CNPY3: variants seen among roughly 807,000 people sequenced by gnomAD.
CNPY3 encodes canopy FGF signaling regulator 3.
Under a neutral mutation model 32.0 loss-of-function variants are expected in CNPY3, and 20 were observed. That is an observed-to-expected ratio of 0.63 (90% CI 0.44 to 0.91). The LOEUF (loss-of-function observed/expected upper bound fraction) is 0.91. Among genes scored for constraint, CNPY3 ranks in the 40% least tolerant of loss-of-function variants. The pLI is 0.00. For missense variants in CNPY3, 299 were observed against 340.8 expected (o/e 0.88, Z 0.97); for synonymous variants, 138 against 142.9 (o/e 0.97, Z 0.24).
intron 3 of CNPY3, among the ~76,000 whole-genome samples, chr6:42,937,017 T>C (rs777261298): frequency 6.6e-6 from 1 of 152,140 alleles, no homozygotes; most frequent in Non-Finnish European, 1.5e-5. Flanking sequence ...CTAGCAGAGA[T>C]AGTTTTTACA....
chr6:42,937,958 C>T, intron 4 of CNPY3, 119 bp downstream of exon 4: 4 of 1,483,762 alleles, frequency 2.7e-6, no homozygotes, highest in Non-Finnish European at 3.7e-6. Flanking sequence ...CATTTCACCT[C>T]TCTGGCCTCA....
intron 2 of CNPY3, chr6:42,935,293 A>G (rs1768138318): frequency 2.8e-6 from 1 of 361,954 alleles, no homozygotes; most frequent in South Asian, 1.1e-4. Flanking sequence ...ATGATATTTT[A>G]CTATCAAAAT....
chr6:42,929,531 G>A lies in CNPY3; in HGVS notation c.-40G>A. 3 of 1,519,022 alleles carry A rather than the reference G, an allele frequency of 2.0e-6. No homozygotes were observed. The highest frequency in any genetic ancestry group is 1.8e-6 in the Non-Finnish European group (2 of 1,130,770). The allele number at this position is 1,519,022 out of a possible 1,614,324, so 94.1% of individuals were successfully genotyped here. A position where few individuals can be genotyped will look rare whatever the true frequency, so the allele number is the denominator to read the frequency against. On this transcript the variant is annotated 5_prime_UTR_variant, in exon 1 of 6. Transcript: ENST00000372836. ...CTGCTCCGCGCGCGCCGCGGGAGGA[G>A]GAACCGCCCGGTCCTTTAGGGTCCG...
chr6:42,937,269 G>A (rs372493125), intron 3 of CNPY3, among the ~76,000 whole-genome samples: 4 of 152,274 alleles, frequency 2.6e-5, no homozygotes, highest in African/African-American at 9.6e-5. Context: ...ATGTGCAGGG[G>A]TTGTGGGAAG....
Position 42,929,511 on chromosome 6 carries a change from C to CCG in CNPY3, c.-52_-51dup, listed in dbSNP as rs1767592325. 1 of 1,488,766 alleles carries CCG rather than the reference C, an allele frequency of 6.7e-7. No individual in the cohort carries two copies. Among genetic ancestry groups the CCG allele is most frequent in the South Asian group, 1.3e-5 (1 of 77,808 alleles). 92.2% of individuals were successfully genotyped at this position (1,488,766 alleles called of 1,614,324 possible). On this transcript the variant is annotated 5_prime_UTR_variant, in exon 1 of 6. Coordinates refer to ENST00000372836, the MANE Select transcript of CNPY3 (RefSeq NM_006586.5). The stretch of plus-strand genomic sequence containing the variant: ...CCGGAAGCGGCGAGGGGAAACTGCT[C>CCG]CGCGCGCGCCGCGGGAGGAGGAACC...
Position 42,938,143 on chromosome 6 carries a change from C to A in CNPY3, c.549C>A (p.Asn183Lys). Residue 183 changes from asparagine to lysine, a missense_variant, in exon 5 of 6, where the codon AAC (asparagine) becomes AAA (lysine). By Grantham distance (94) the Asn-to-Lys change is moderately conservative. Coordinates refer to ENST00000372836, the MANE Select transcript of CNPY3 (RefSeq NM_006586.5). The part of the protein sequence containing the change: ...FEEVIEDWYR[N>K]HQEEDLTEFL... Reference sequence around the variant, plus strand: ...AGGTGATCGAGGACTGGTACAGGAACCACCAGGAGGAAGACCTGACTGAAT... The same window carrying A: ...AGGTGATCGAGGACTGGTACAGGAAACACCAGGAGGAAGACCTGACTGAAT... 1 of 1,614,144 alleles carries A rather than the reference C, an allele frequency of 6.2e-7. No homozygotes were observed. The highest frequency in any genetic ancestry group is 1.3e-5 in the African/African-American group (1 of 75,036).
intron 5 of CNPY3, 63 bp from the exon 6 acceptor site, chr6:42,938,505 T>A (rs115953673): frequency 0.25 from 365,063 of 1,458,470 alleles, 48,171 homozygotes; most frequent in African/African-American, 0.35. Flanking sequence ...TGCTCAGTGC[T>A]CCTTGCCCAG....
chr6:42,935,709 G>A (rs1480022724), intron 3 of CNPY3, 39 bp downstream of exon 3: 5 of 1,582,792 alleles, frequency 3.2e-6, no homozygotes, highest in Non-Finnish European at 4.3e-6. Context: ...TCTGGGGTCA[G>A]GCCTGCATGT....
chr6:42,938,973 G>C lies in CNPY3; in HGVS notation c.*182G>C. On this transcript the variant is annotated 3_prime_UTR_variant, in exon 6 of 6. Coordinates refer to ENST00000372836, the MANE Select transcript of CNPY3 (RefSeq NM_006586.5). ...CTCAGAGCCGTCATGGGTAGCCCAC[G>C]CCGTCCTTTCCCCTCCCCAAGTGTT... 2 of 1,383,320 alleles carry C rather than the reference G, an allele frequency of 1.4e-6. No homozygotes were observed. Among genetic ancestry groups the C allele is most frequent in the Non-Finnish European group, 9.4e-7 (1 of 1,066,628 alleles). The allele number at this position is 1,383,320 out of a possible 1,614,324, so 85.7% of individuals were successfully genotyped here.
chr6:42,929,986 G>A (rs755844956), intron 1 of CNPY3, among the ~76,000 whole-genome samples: 3 of 151,986 alleles, frequency 2.0e-5, no homozygotes, highest in Non-Finnish European at 4.4e-5. Flanking sequence ...TTTGGGGGCC[G>A]GACGAGGAGC....
At chr6:42,929,204 G>GCTT (rs1027631185), upstream of CNPY3, 13 of 128,692 alleles carry the variant, frequency 1.0e-4, no homozygotes, top group African/African-American at 1.3e-3. Context: ...CCAGACGCAG[G>GCTT]CTTCTTCTCG....
At position 42,934,340 on chromosome 6, in the gene CNPY3, C is replaced by T. The variant is rs917242017; in HGVS notation, c.152-135C>T. 2.8e-6 allele frequency: 3 copies of T among 1,053,744 alleles called. No homozygotes were observed. In the African/African-American group the frequency reaches 4.7e-5, roughly 17 times the overall value. The allele number at this position is 1,053,744 out of a possible 1,614,324, so 65.3% of individuals were successfully genotyped here. A position where few individuals can be genotyped will look rare whatever the true frequency, so the allele number is the denominator to read the frequency against. ...TTGCTTTAGCCTCCACAGGTTCTAA[C>T]TCCTTCCCTGCCTTGAGTGCTGATT... is the stretch of plus-strand genomic sequence containing the variant. On this transcript the variant is annotated intron_variant, in intron 1 of 5. Transcript: ENST00000372836.
intron 3 of CNPY3, among the ~76,000 whole-genome samples, chr6:42,936,027 G>A (rs532675929): frequency 6.6e-6 from 1 of 152,088 alleles, no homozygotes; most frequent in Non-Finnish European, 1.5e-5. Context: ...GGACACCTCG[G>A]TGGGAGTGAC....
In CNPY3 at chr6:42,938,887, G is replaced by GC; in HGVS notation, c.*100dup. On this transcript the variant is annotated 3_prime_UTR_variant, in exon 6 of 6. Coordinates refer to ENST00000372836, the MANE Select transcript of CNPY3 (RefSeq NM_006586.5). ...GGCCGGGATGGCCCCGCAGCCTTCA[G>GC]CCCCTCCTTGCCTTGGCTGTGCCCT... The GC allele has an allele frequency of 6.9e-7, 1 of 1,448,342 alleles. No homozygotes were observed. Among genetic ancestry groups the GC allele is most frequent in the Non-Finnish European group, 9.1e-7 (1 of 1,096,420 alleles). The allele number at this position is 1,448,342 out of a possible 1,614,324, so 89.7% of individuals were successfully genotyped here.
At chr6:42,934,756 G>A (rs1465442857) in intron 2 of CNPY3, among the ~76,000 whole-genome samples, 158 bp downstream of exon 2, 1 of 152,234 alleles carries the variant, frequency 6.6e-6, no homozygotes, top group Admixed American at 6.5e-5. Context: ...CTAATTGGGT[G>A]ACGTGCATAA....
At chr6:42,931,329 C>T (rs1767797569) in intron 1 of CNPY3, among the ~76,000 whole-genome samples, 2 of 151,276 alleles carry the variant, frequency 1.3e-5, no homozygotes, top group African/African-American at 4.9e-5. Context: ...CCACCCTCCT[C>T]GGCCTTACAA....
Position 42,934,532 on chromosome 6 carries a change from A to G in CNPY3, c.209A>G (p.Lys70Arg), listed in dbSNP as rs1339036457. 1 of 1,614,136 alleles carries G rather than the reference A, an allele frequency of 6.2e-7. No individual in the cohort carries two copies. The highest frequency in any genetic ancestry group is 8.5e-7 in the Non-Finnish European group (1 of 1,180,014). ...KSAFEETGKT[K>R]EVIGTGYGIL... is the part of the protein sequence containing the mutation. ...GCCTTTGAGGAAACCGGCAAGACCA[A>G]GGAGGTGATTGGCACGGGCTATGGC... The change falls in exon 2 of 6, where the codon AAG (lysine) becomes AGG (arginine). Residue 70 changes from lysine to arginine, a missense_variant. Lys to Arg is a conservative substitution (Grantham distance 26). Around this residue, in one of 2 missense-constraint regions of CNPY3, gnomAD observed 211 missense variants for 278.3 expected, o/e 0.76. Coordinates refer to ENST00000372836, the MANE Select transcript of CNPY3 (RefSeq NM_006586.5).
Position 42,938,962 on chromosome 6 carries a change from G to T in CNPY3, c.*171G>T. 7.1e-7 allele frequency: 1 copy of T among 1,402,932 alleles called. No individual in the cohort carries two copies. Among genetic ancestry groups the T allele is most frequent in the Non-Finnish European group, 9.3e-7 (1 of 1,075,692 alleles). The allele number at this position is 1,402,932 out of a possible 1,614,324, so 86.9% of individuals were successfully genotyped here. Reference sequence around the variant, plus strand: ...CCCAGGAAGAACTCAGAGCCGTCATGGGTAGCCCACGCCGTCCTTTCCCCT... The same window carrying T: ...CCCAGGAAGAACTCAGAGCCGTCATTGGTAGCCCACGCCGTCCTTTCCCCT... On this transcript the variant is annotated 3_prime_UTR_variant, in exon 6 of 6. Transcript: ENST00000372836.
At chr6:42,937,359 T>C (rs1436760302) in intron 3 of CNPY3, among the ~76,000 whole-genome samples, 1 of 151,846 alleles carries the variant, frequency 6.6e-6, no homozygotes, top group Non-Finnish European at 1.5e-5. Context: ...TCTCAGCACT[T>C]TGGGAGGCTG....
Sources: allele counts gnomAD v4.1 joint callset (sites outside exome capture counted in the v4.1 genomes callset), GRCh38; gene constraint gnomAD v4.1.1; regional missense constraint gnomAD v4.1.1; transcripts MANE v1.5; gene names NCBI Gene and HGNC (gene_info 2026-07-23, HGNC 2026-07-21).